KCTD3: variants seen among roughly 807,000 people sequenced by gnomAD.
KCTD3 encodes potassium channel tetramerization domain containing 3.
In KCTD3, 41 loss-of-function variants were observed where a neutral mutation model predicts 85.8. The ratio of observed to expected loss-of-function variants is 0.48; its 90% CI spans 0.37 to 0.62. The LOEUF is 0.62. KCTD3 is among the 20% of genes least tolerant of loss of function. The pLI is 0.00. For missense variants in KCTD3, 724 were observed against 989.9 expected, an observed-to-expected ratio of 0.73 and a Z score of 3.60; for synonymous variants, 338 against 345.4, an observed-to-expected ratio of 0.98 and a Z score of 0.24.
At chr1:215,571,199 G>T (rs1314711723) in intron 1 of KCTD3, among the ~76,000 whole-genome samples, 1 of 152,212 alleles carries the variant, frequency 6.6e-6, no homozygotes, top group African/African-American at 2.4e-5. Flanking sequence ...GAATGAATTT[G>T]ATGGCCTCCA....
chr1:215,586,199 T>G (rs1277199321), intron 8 of KCTD3, among the ~76,000 whole-genome samples: 6 of 152,178 alleles, frequency 3.9e-5, no homozygotes, highest in African/African-American at 1.2e-4. Flanking sequence ...TTTCTGAAAT[T>G]TTTTAAAATT....
chr1:215,593,486 C>T (rs1660298258), intron 9 of KCTD3, among the ~76,000 whole-genome samples: 1 of 152,136 alleles, frequency 6.6e-6, no homozygotes, highest in Non-Finnish European at 1.5e-5. Flanking sequence ...TGTCACTGGT[C>T]TTGAGTATAG....
intron 15 of KCTD3, among the ~76,000 whole-genome samples, chr1:215,613,142 A>G (rs551446808): frequency 2.9e-4 from 44 of 152,338 alleles, no homozygotes; most frequent in Non-Finnish European, 4.1e-4. Flanking sequence ...TAAAAGTTAC[A>G]GGGAAAAAGT....
At chr1:215,585,590 A>G (rs1250573210) in intron 8 of KCTD3, among the ~76,000 whole-genome samples, 2 of 152,192 alleles carry the variant, frequency 1.3e-5, no homozygotes, top group Non-Finnish European at 2.9e-5. Flanking sequence ...GAGAAATTTT[A>G]TAGTTATGTT....
At chr1:215,602,905 C>A (rs1558240477) in intron 12 of KCTD3, among the ~76,000 whole-genome samples, 1 of 152,044 alleles carries the variant, frequency 6.6e-6, no homozygotes, top group Non-Finnish European at 1.5e-5. Flanking sequence ...CAAGAGTATA[C>A]CTATGAATTT....
chr1:215,595,515 G>A (rs756914057), intron 10 of KCTD3, 44 bp downstream of exon 10: 14 of 1,151,802 alleles, frequency 1.2e-5, no homozygotes, highest in South Asian at 1.2e-4. Context: ...TTTCTGAAAT[G>A]TATGCTGATT....
rs769167120 is a variant in KCTD3, at chr1:215,595,336, A to T, written c.818-20A>T. Reference sequence around the variant, plus strand: ...AAAATGGTGACTGATTAACCTTTTTATTTTTTATTGTCATTTAAGGAGTGT... The same window carrying T: ...AAAATGGTGACTGATTAACCTTTTTTTTTTTTATTGTCATTTAAGGAGTGT... On this transcript the variant is annotated intron_variant, in intron 9 of 17. Coordinates refer to ENST00000259154, the MANE Select transcript of KCTD3 (RefSeq NM_016121.5). 1 of 1,453,318 alleles carries T rather than the reference A, an allele frequency of 6.9e-7. No individual in the cohort carries two copies. The highest frequency in any genetic ancestry group is 1.7e-5 in the Admixed American group (1 of 58,888). 90.0% of individuals were successfully genotyped at this position (1,453,318 alleles called of 1,614,324 possible). A position where few individuals can be genotyped will look rare whatever the true frequency, so the allele number is the denominator to read the frequency against.
Position 215,567,353 on chromosome 1 carries a change from C to G in KCTD3, c.-333C>G, listed in dbSNP as rs981982774. The G allele has an allele frequency of 5.8e-6, 1 of 173,790 alleles. No homozygotes were observed. The highest frequency in any genetic ancestry group is 1.2e-5 in the Non-Finnish European group (1 of 82,836). The allele number at this position is 173,790 out of a possible 1,614,324, so 10.8% of individuals were successfully genotyped here. A position where few individuals can be genotyped will look rare whatever the true frequency, so the allele number is the denominator to read the frequency against. On this transcript the variant is annotated 5_prime_UTR_variant, in exon 1 of 18. Coordinates refer to ENST00000259154, the MANE Select transcript of KCTD3 (RefSeq NM_016121.5). ...AGCGTGAGCGCTGCGGTATTTTGTC[C>G]CGAACGGTGACCCCTCCTCCCAGGC... is the stretch of plus-strand genomic sequence containing the variant.
At chr1:215,599,926 G>A (rs1256693185) in intron 10 of KCTD3, among the ~76,000 whole-genome samples, 1 of 151,860 alleles carries the variant, frequency 6.6e-6, no homozygotes, top group Non-Finnish European at 1.5e-5. Context: ...TATCCAAAGG[G>A]AGAAGAATCT....
chr1:215,586,396 TG>T, intron 8 of KCTD3, 98 bp from the exon 9 acceptor site: 1 of 982,626 alleles, frequency 1.0e-6, no homozygotes, highest in East Asian at 2.4e-5. Context: ...GTTTTTTTTT[TG>T]TTTTTTGTTG....
At position 215,608,272 on chromosome 1, in the gene KCTD3, T is replaced by G. The variant is rs1571896423; in HGVS notation, c.1465+100T>G. On this transcript the variant is annotated intron_variant, in intron 14 of 17. Coordinates refer to ENST00000259154, the MANE Select transcript of KCTD3 (RefSeq NM_016121.5). ...CACAAAAATGAGTTTTAAATACAAATTTTCCATTTTAATTTTGAAATTCTA... is the reference window on the plus strand; with the variant it reads ...CACAAAAATGAGTTTTAAATACAAAGTTTCCATTTTAATTTTGAAATTCTA... 9.6e-6 allele frequency: 7 copies of G among 729,826 alleles called. No individual in the cohort carries two copies. In the East Asian group the frequency reaches 2.1e-4, roughly 22 times the overall value. The allele number at this position is 729,826 out of a possible 1,614,324, so 45.2% of individuals were successfully genotyped here.
In KCTD3 at chr1:215,620,148, A is replaced by G. The variant is rs1334756976; in HGVS notation, c.1978A>G (p.Arg660Gly). Reference protein sequence around the residue: ...YRESPLLARARRTESFHSYRD... With the variant: ...YRESPLLARAGRTESFHSYRD... ...AGAAAGTCCTTTATTAGCAAGGGCA[A>G]GAAGGACTGAGAGCTTTCACAGTTA... Residue 660 changes from arginine (R) to glycine (G), a missense_variant, in exon 18 of 18, where the codon AGA (arginine) becomes GGA (glycine). Arg to Gly is a moderately radical substitution (Grantham distance 125, BLOSUM62 -2). Around this residue, in one of 6 missense-constraint regions of KCTD3, gnomAD observed 222 missense variants for 217.7 expected, o/e 1.02. Transcript: ENST00000259154. 3.7e-6 allele frequency: 6 copies of G among 1,613,372 alleles called. No individual in the cohort carries two copies. The highest frequency in any genetic ancestry group is 5.1e-6 in the Non-Finnish European group (6 of 1,179,474).
intron 1 of KCTD3, among the ~76,000 whole-genome samples, chr1:215,571,082 A>C (rs1196724783): frequency 6.6e-6 from 1 of 152,242 alleles, no homozygotes; most frequent in Non-Finnish European, 1.5e-5. Flanking sequence ...GATTTTAAGC[A>C]GACCTTTGTG....
At chr1:215,605,467 T>C (rs889997253) in intron 13 of KCTD3, among the ~76,000 whole-genome samples, 1 of 152,134 alleles carries the variant, frequency 6.6e-6, no homozygotes, top group Non-Finnish European at 1.5e-5. Flanking sequence ...TGGATTGCCC[T>C]TGAGCTCTTT....
chr1:215,576,013 T>A, intron 4 of KCTD3, 39 bp downstream of exon 4: 1 of 997,344 alleles, frequency 1.0e-6, no homozygotes, highest in Non-Finnish European at 1.5e-6. Flanking sequence ...TTCTTACTGA[T>A]AAATATGTGT....
At chr1:215,569,398 C>A (rs1364229671) in intron 1 of KCTD3, among the ~76,000 whole-genome samples, 1 of 151,938 alleles carries the variant, frequency 6.6e-6, no homozygotes, top group African/African-American at 2.4e-5. Context: ...GAATTACAGG[C>A]GTGAGCCACC....
chr1:215,579,740 C>T (rs1405125885), intron 7 of KCTD3, among the ~76,000 whole-genome samples, 169 bp from the exon 8 acceptor site: 9 of 152,204 alleles, frequency 5.9e-5, no homozygotes, highest in East Asian at 1.9e-4. Flanking sequence ...CCTCATGATC[C>T]GCCCGCCTCG....
At chr1:215,576,443 C>T (rs570449150) in intron 4 of KCTD3, among the ~76,000 whole-genome samples, 11 of 151,804 alleles carry the variant, frequency 7.2e-5, no homozygotes, top group South Asian at 2.1e-4. Context: ...TGGTGGTACA[C>T]GCCTATAATC....
At chr1:215,583,963 G>A (rs1030829247) in intron 8 of KCTD3, among the ~76,000 whole-genome samples, 2 of 152,156 alleles carry the variant, frequency 1.3e-5, no homozygotes, top group African/African-American at 4.8e-5. Context: ...ACAATAACAA[G>A]GCAAAATAAG....
Sources: allele counts gnomAD v4.1 joint callset (sites outside exome capture counted in the v4.1 genomes callset), GRCh38; gene constraint gnomAD v4.1.1; regional missense constraint gnomAD v4.1.1; transcripts MANE v1.5; gene names NCBI Gene and HGNC (gene_info 2026-07-23, HGNC 2026-07-21).